KIF18A: variants seen among roughly 807,000 people sequenced by gnomAD.
The protein encoded by KIF18A is kinesin-like protein KIF18A.
Under a neutral mutation model 103.3 loss-of-function variants are expected in KIF18A, and 67 were observed. The ratio of observed to expected loss-of-function variants is 0.65; its 90% CI spans 0.53 to 0.79. KIF18A has a LOEUF of 0.79. KIF18A is among the 30% of genes least tolerant of loss of function. The pLI, the probability that KIF18A is intolerant of heterozygous loss-of-function variation, is 0.00. For missense variants in KIF18A, 1,032 were observed against 1,062.5 expected, an observed-to-expected ratio of 0.97 and a Z score of 0.40; for synonymous variants, 367 against 355.5, an observed-to-expected ratio of 1.03 and a Z score of -0.36.
intron 1 of KIF18A, among the ~76,000 whole-genome samples, chr11:28,107,295 A>G (rs372078658): frequency 6.7e-4 from 102 of 152,148 alleles, no homozygotes; most frequent in African/African-American, 2.3e-3. Context: ...AAATCAGTTC[A>G]TTCTGGTCAA....
At chr11:28,080,683 C>T (rs1026544626) in intron 9 of KIF18A, among the ~76,000 whole-genome samples, 13 of 152,048 alleles carry the variant, frequency 8.5e-5, no homozygotes, top group South Asian at 2.1e-4. Context: ...ACGTTGAAAT[C>T]GGGCAAATTA....
At chr11:28,079,492 A>G (rs539149979) in intron 9 of KIF18A, among the ~76,000 whole-genome samples, 1 of 152,092 alleles carries the variant, frequency 6.6e-6, no homozygotes, top group African/African-American at 2.4e-5. Flanking sequence ...TTATAGCTGA[A>G]TCAGGTCTGA....
At chr11:28,039,122 T>G (rs757045223) in intron 13 of KIF18A, among the ~76,000 whole-genome samples, 6 of 151,658 alleles carry the variant, frequency 4.0e-5, no homozygotes, top group Non-Finnish European at 8.9e-5. Flanking sequence ...TAATATCCCC[T>G]AGAAAAAAGC....
At chr11:28,045,720 T>C (rs193140551) in intron 13 of KIF18A, among the ~76,000 whole-genome samples, 3 of 152,174 alleles carry the variant, frequency 2.0e-5, no homozygotes, top group Non-Finnish European at 2.9e-5. Flanking sequence ...TTAGAAGTTA[T>C]AACATCTAAA....
intron 13 of KIF18A, among the ~76,000 whole-genome samples, chr11:28,040,036 A>C (rs889336377): frequency 2.6e-5 from 4 of 151,818 alleles, no homozygotes; most frequent in Admixed American, 6.6e-5. Context: ...GGTTTAAATA[A>C]AAATTTAAGT....
At position 28,083,025 on chromosome 11, in the gene KIF18A, C is replaced by A. The variant is rs1171431210; in HGVS notation, c.1150-57G>T. On this transcript the variant is annotated intron_variant, in intron 8 of 16. Coordinates refer to ENST00000263181, the MANE Select transcript of KIF18A (RefSeq NM_031217.4). Reference sequence around the variant, plus strand: ...AAAGAAGTCATTTACATGGCCACAGCCAAATTTAGCTGTAAAAAATAACTG... The same window carrying A: ...AAAGAAGTCATTTACATGGCCACAGACAAATTTAGCTGTAAAAAATAACTG... 10 of 1,438,786 alleles carry A rather than the reference C, an allele frequency of 7.0e-6. No individual in the cohort carries two copies. The South Asian group carries it at 1.2e-4, about 17-fold the overall frequency. The allele number at this position is 1,438,786 out of a possible 1,614,324, so 89.1% of individuals were successfully genotyped here.
chr11:28,097,175 G>T lies in KIF18A; in HGVS notation c.325+448C>A, dbSNP rs140541158. ...GATCCTCAGTCTCCTCCTATCCTTC[G>T]CCAACTTAAACATTTTTATTTCAAT... On this transcript the variant is annotated intron_variant, in intron 2 of 16. Transcript: ENST00000263181. Among the ~76,000 whole-genome samples the T allele has an allele frequency of 7.8e-4, 119 of 152,036 alleles. 2 individuals are homozygous for T. The East Asian group carries it at 0.021, about 27-fold the overall frequency.
intron 1 of KIF18A, among the ~76,000 whole-genome samples, chr11:28,104,734 A>G (rs1851485116): frequency 6.6e-6 from 1 of 152,224 alleles, no homozygotes; most frequent in Non-Finnish European, 1.5e-5. Context: ...ACCAGCACCT[A>G]GGACACTGCT....
At chr11:28,045,491 T>C (rs1850619990) in intron 13 of KIF18A, among the ~76,000 whole-genome samples, 1 of 151,766 alleles carries the variant, frequency 6.6e-6, no homozygotes, top group Non-Finnish European at 1.5e-5. Flanking sequence ...ATGTTTTAAA[T>C]AATATTTTAT....
chr11:28,037,184 T>G (rs912709863), intron 13 of KIF18A, among the ~76,000 whole-genome samples: 2 of 151,604 alleles, frequency 1.3e-5, no homozygotes, highest in East Asian at 3.9e-4. Flanking sequence ...AGTGACCAGT[T>G]TATTACTAAT....
chr11:28,053,307 A>T (rs943752287), intron 13 of KIF18A, among the ~76,000 whole-genome samples: 4 of 152,050 alleles, frequency 2.6e-5, no homozygotes, highest in African/African-American at 9.7e-5. Context: ...TTGAAATAAA[A>T]CTTTATTTAT....
chr11:28,072,093 A>T (rs1342731203), intron 10 of KIF18A, among the ~76,000 whole-genome samples: 2 of 152,152 alleles, frequency 1.3e-5, no homozygotes, highest in Admixed American at 1.3e-4. Context: ...TAAAATGGCA[A>T]GTAAGTGTTT....
intron 1 of KIF18A, among the ~76,000 whole-genome samples, chr11:28,102,776 A>T (rs1590715925): frequency 6.6e-6 from 1 of 152,232 alleles, no homozygotes; most frequent in East Asian, 1.9e-4. Flanking sequence ...CATCAAATGT[A>T]AAAATTAATC....
At chr11:28,028,846 T>A (rs1361559908) in intron 15 of KIF18A, among the ~76,000 whole-genome samples, 1 of 151,896 alleles carries the variant, frequency 6.6e-6, no homozygotes, top group African/African-American at 2.4e-5. Context: ...ATAAAGGGGA[T>A]ATCACCACCG....
At chr11:28,044,899 A>T (rs1053178577) in intron 13 of KIF18A, among the ~76,000 whole-genome samples, 4 of 152,116 alleles carry the variant, frequency 2.6e-5, no homozygotes, top group Admixed American at 1.3e-4. Context: ...AGCTAAAAAT[A>T]AAAACAAAAA....
In KIF18A at chr11:28,062,405, G is replaced by C. The variant is rs1478241173; in HGVS notation, c.1702C>G (p.Gln568Glu). Residue 568 changes from glutamine (Q) to glutamate (E), a missense_variant, in exon 12 of 17, where the codon CAG (glutamine) becomes GAG (glutamate). Coordinates refer to ENST00000263181, the MANE Select transcript of KIF18A (RefSeq NM_031217.4). ...AATGTATGTACTCACGCTTCAGTCTGCCTGTGTTGCTGTTCCTGAAGACAA... is the reference window on the plus strand; with the variant it reads ...AATGTATGTACTCACGCTTCAGTCTCCCTGTGTTGCTGTTCCTGAAGACAA... ...LACLQEQQHR[Q>E]TEAVLNALLP... 3 of 1,607,858 alleles carry C rather than the reference G, an allele frequency of 1.9e-6. No individual in the cohort carries two copies. The highest frequency in any genetic ancestry group is 1.7e-4 in the Middle Eastern group (1 of 6,018).
intron 13 of KIF18A, among the ~76,000 whole-genome samples, chr11:28,038,499 A>C (rs947648266): frequency 2.0e-5 from 3 of 151,664 alleles, no homozygotes; most frequent in Non-Finnish European, 4.4e-5. Flanking sequence ...TCATGAAGTA[A>C]AATTCCCAGT....
chr11:28,094,057 T>A (rs1310501557), intron 3 of KIF18A, among the ~76,000 whole-genome samples: 2 of 152,206 alleles, frequency 1.3e-5, no homozygotes, highest in Non-Finnish European at 2.9e-5. Flanking sequence ...ACTTTGCTTG[T>A]GTTACTGTCA....
At chr11:28,078,536 C>G (rs1028181453) in intron 9 of KIF18A, among the ~76,000 whole-genome samples, 20 of 151,982 alleles carry the variant, frequency 1.3e-4, no homozygotes, top group African/African-American at 4.8e-4. Context: ...AGCTCCTTAA[C>G]AACACCAAAA....
Sources: gnomAD v4.1 joint callset for allele counts (sites outside exome capture counted in the v4.1 genomes callset) on GRCh38, gnomAD v4.1.1 for gene constraint, MANE v1.5 for transcripts, NCBI Gene and HGNC (gene_info 2026-07-23, HGNC 2026-07-21) for gene names.